RGS6: variants seen among roughly 807,000 people sequenced by gnomAD.
The protein encoded by RGS6 is regulator of G-protein signaling 6.
RGS6 carries 30 observed loss-of-function variants against 78.5 expected under a neutral mutation model. That is an observed-to-expected ratio of 0.38 (90% CI 0.29 to 0.52). The LOEUF is 0.52. Ranked by LOEUF, RGS6 falls within the 20% of genes least tolerant of loss-of-function variation. RGS6 has a pLI of 0.85. For synonymous variants in RGS6, 206 were observed against 206.0 expected, an observed-to-expected ratio of 1.00 and a Z score of 0.00; for missense variants, 495 against 609.7, an observed-to-expected ratio of 0.81 and a Z score of 1.98.
At chr14:72,485,166 C>T (rs1439436475) in intron 12 of RGS6, among the ~76,000 whole-genome samples, 1 of 152,082 alleles carries the variant, frequency 6.6e-6, no homozygotes, top group Admixed American at 6.5e-5. Flanking sequence ...GACAAGAATG[C>T]TAAAATTGCT....
At chr14:72,550,799 G>A (rs1368592977) in intron 17 of RGS6, 3 of 552,758 alleles carry the variant, frequency 5.4e-6, no homozygotes, top group African/African-American at 3.8e-5. Context: ...TTTAATCATA[G>A]CTTGCTTGCT....
chr14:71,931,986 G>T (rs1398317624), upstream of RGS6, among the ~76,000 whole-genome samples: 1 of 152,202 alleles, frequency 6.6e-6, no homozygotes, highest in Non-Finnish European at 1.5e-5. Flanking sequence ...TTTAGAGGGC[G>T]CCAGCAACAC....
At chr14:72,171,272 AAC>A (rs549955350) in intron 2 of RGS6, among the ~76,000 whole-genome samples, 1,605 of 152,264 alleles carry the variant, frequency 0.011, 15 homozygotes, top group Non-Finnish European at 0.017. Context: ...CCTGTGCATG[AAC>A]ACACAAATCC....
At chr14:72,275,948 C>G (rs6574061) in intron 2 of RGS6, among the ~76,000 whole-genome samples, 102,982 of 152,014 alleles carry the variant, frequency 0.68, 35,177 homozygotes, top group East Asian at 0.86. Flanking sequence ...TTCTCTCCAA[C>G]GTCTAGACCT....
intron 2 of RGS6, among the ~76,000 whole-genome samples, chr14:71,980,521 A>C (rs2094394804): frequency 1.3e-5 from 1 of 74,702 alleles, no homozygotes; most frequent in South Asian, 5.9e-4. Context: ...TCACTTATGA[A>C]GCTTAGTTTG....
chr14:71,915,368 C>T, the RGS6 span, among the ~76,000 whole-genome samples: 4 of 152,192 alleles, frequency 2.6e-5, no homozygotes, highest in Non-Finnish European at 5.9e-5. Flanking sequence ...TCCATTATCC[C>T]CCACAGCTCC....
chr14:72,541,732 C>A (rs941954676), intron 17 of RGS6: 3 of 1,148,286 alleles, frequency 2.6e-6, no homozygotes, highest in South Asian at 1.5e-5. Context: ...GTAAGCAGAG[C>A]CTTGACAGCC....
rs376638718 is a variant in RGS6 at position 72,214,177 on chromosome 14, A to T, written c.85-137918A>T. Among the ~76,000 whole-genome samples the T allele has an allele frequency of 2.0e-3, 256 of 131,222 alleles. 2 individuals are homozygous for T. The highest frequency in any genetic ancestry group is 0.013 in the South Asian group (53 of 4,028). The allele number at this position is 131,222 out of a possible 152,430, so 86.1% of individuals were successfully genotyped here. On this transcript the variant is annotated intron_variant, in intron 2 of 17. Coordinates refer to ENST00000553525, the MANE Select transcript of RGS6 (RefSeq NM_001204424.2). Reference sequence around the variant, plus strand: ...AAAAAACTACACTGTTTATTTTCTTATTTTTTTTTTTTTTTTTCACTGGGG... The same window carrying T: ...AAAAAACTACACTGTTTATTTTCTTTTTTTTTTTTTTTTTTTTCACTGGGG...
intron 2 of RGS6, among the ~76,000 whole-genome samples, chr14:72,112,100 TG>T (rs2095780685): frequency 6.6e-6 from 1 of 152,152 alleles, no homozygotes; most frequent in Non-Finnish European, 1.5e-5. Context: ...TTTATTCTGA[TG>T]GTCCCTGTCA....
rs201568114 is a variant in RGS6, at chr14:72,141,892, T to TAA, written c.84+177029_84+177030dup. 8.0e-3 allele frequency among the ~76,000 whole-genome samples: 1,169 copies of TAA among 145,690 alleles called. 1 individual carries two copies. Among genetic ancestry groups the TAA allele is most frequent in the Middle Eastern group, 0.028 (8 of 282 alleles). On this transcript the variant is annotated intron_variant, in intron 2 of 17. Transcript: ENST00000553525. ...CATTCCTAGATTACACATTTTACAT[T>TAA]AAAAAAAAAAAAACAAAACCCAAAG...
chr14:72,060,613 T>A (rs1453784832), intron 2 of RGS6, among the ~76,000 whole-genome samples: 1 of 152,206 alleles, frequency 6.6e-6, no homozygotes, highest in African/African-American at 2.4e-5. Context: ...GAGCCAGTTT[T>A]TATTTAAATA....
At chr14:72,402,919 C>G (rs1468093365) in intron 3 of RGS6, among the ~76,000 whole-genome samples, 1 of 150,714 alleles carries the variant, frequency 6.6e-6, no homozygotes, top group East Asian at 2.0e-4. Flanking sequence ...GCCTCAACCT[C>G]CCCAGTAGCT....
intron 2 of RGS6, among the ~76,000 whole-genome samples, chr14:72,214,030 G>A (rs1027239042): frequency 6.6e-6 from 1 of 152,028 alleles, no homozygotes; most frequent in Non-Finnish European, 1.5e-5. Flanking sequence ...GGCTGACCTG[G>A]CACTAATGCT....
intron 2 of RGS6, among the ~76,000 whole-genome samples, chr14:72,277,581 G>C (rs2060883173): frequency 6.6e-6 from 1 of 150,990 alleles, no homozygotes; most frequent in Non-Finnish European, 1.5e-5. Flanking sequence ...TGGTGACAGA[G>C]AGCGACTCCA....
chr14:72,422,147 T>C (rs562474713), intron 3 of RGS6, among the ~76,000 whole-genome samples: 42 of 152,316 alleles, frequency 2.8e-4, no homozygotes, highest in Non-Finnish European at 5.0e-4. Flanking sequence ...GACTTGCACC[T>C]CCTTGCCTTC....
chr14:71,927,166 C>A, the RGS6 span, among the ~76,000 whole-genome samples: 3 of 152,160 alleles, frequency 2.0e-5, no homozygotes, highest in South Asian at 4.1e-4. Flanking sequence ...TTATTTGGGG[C>A]CTGGTGTAGG....
At chr14:72,215,153 A>G (rs891849910) in intron 2 of RGS6, among the ~76,000 whole-genome samples, 19 of 152,178 alleles carry the variant, frequency 1.2e-4, no homozygotes, top group Admixed American at 2.6e-4. Flanking sequence ...ACTGATTTCA[A>G]TACCAGGGGC....
intron 3 of RGS6, among the ~76,000 whole-genome samples, chr14:72,438,019 C>T (rs978972182): frequency 5.3e-5 from 8 of 152,020 alleles, no homozygotes; most frequent in Non-Finnish European, 7.4e-5. Flanking sequence ...CAGTGGTGGT[C>T]GGTGTAGATT....
chr14:72,188,901 A>G (rs147995321), intron 2 of RGS6, among the ~76,000 whole-genome samples: 3 of 152,308 alleles, frequency 2.0e-5, no homozygotes, highest in African/African-American at 7.2e-5. Flanking sequence ...GAAATTTATT[A>G]TGTGATCTTC....
Sources: gnomAD v4.1 joint callset for allele counts (sites outside exome capture counted in the v4.1 genomes callset) on GRCh38, gnomAD v4.1.1 for gene constraint, MANE v1.5 for transcripts, NCBI Gene and HGNC (gene_info 2026-07-23, HGNC 2026-07-21) for gene names.